GIGYF2: variants seen among roughly 807,000 people sequenced by gnomAD.
GIGYF2 encodes the protein GRB10 interacting GYF protein 2.
A neutral mutation model predicts 208.1 loss-of-function variants in GIGYF2; 25 were observed. The ratio of observed to expected loss-of-function variants is 0.12; its 90% CI spans 0.09 to 0.17. The LOEUF is 0.17. GIGYF2 is among the 10% of genes least tolerant of loss of function. GIGYF2 has a pLI of 1.00. For synonymous variants in GIGYF2, 534 were observed against 543.8 expected (o/e 0.98, Z 0.25); for missense variants, 1,302 against 1,579.4 (o/e 0.82, Z 2.98).
At chr2:232,855,797 C>T (rs984022847) in intron 28 of GIGYF2, among the ~76,000 whole-genome samples, 1 of 152,110 alleles carries the variant, frequency 6.6e-6, no homozygotes, top group South Asian at 2.1e-4. Flanking sequence ...AACCCCCCTG[C>T]CCACCCCCAT....
rs145090734 is a variant in GIGYF2 at position 232,858,973 on chromosome 2, T to C, written c.*2113T>C. On this transcript the variant is annotated 3_prime_UTR_variant, in exon 29 of 29. Transcript: ENST00000373563. ...ACTCTGTGTGTGTATTCAGGAAAAA[T>C]GAAAATAAATTTTTAAAAATTGGGA... The C allele has an allele frequency of 1.2e-4, 19 of 153,476 alleles. No individual in the cohort carries two copies. The highest frequency in any genetic ancestry group is 4.6e-4 in the African/African-American group (19 of 41,490). The allele number at this position is 153,476 out of a possible 1,614,324, so 9.5% of individuals were successfully genotyped here. A position where few individuals can be genotyped will look rare whatever the true frequency, so the allele number is the denominator to read the frequency against.
In GIGYF2 at chr2:232,755,969, C is replaced by G. The variant is rs140734645; in HGVS notation, c.268-254C>G. Among the ~76,000 whole-genome samples, 1,700 of 152,248 alleles carry G rather than the reference C, an allele frequency of 0.011. 9 individuals are homozygous for G. The highest frequency in any genetic ancestry group is 0.027 in the Middle Eastern group (8 of 294). ...TTTGTTTGCTTATTTCCTCACCAAACCTAGCATAGTGTAAGACATTGGTTG... is the reference window on the plus strand; with the variant it reads ...TTTGTTTGCTTATTTCCTCACCAAAGCTAGCATAGTGTAAGACATTGGTTG... On this transcript the variant is annotated intron_variant, in intron 5 of 28. Transcript: ENST00000373563.
intron 12 of GIGYF2, among the ~76,000 whole-genome samples, chr2:232,791,760 TAGAC>T (rs1412824546): frequency 1.3e-5 from 2 of 152,216 alleles, no homozygotes. Flanking sequence ...ATTCCCGTAT[TAGAC>T]AGTTACCTTC....
At chr2:232,720,629 C>G (rs1304171203) in intron 2 of GIGYF2, among the ~76,000 whole-genome samples, 5 of 150,196 alleles carry the variant, frequency 3.3e-5, no homozygotes, top group Admixed American at 6.7e-5. Context: ...GAGGCTCACT[C>G]TGTTGTCCAG....
chr2:232,730,967 G>GTAAAT (rs1248015195), intron 2 of GIGYF2, among the ~76,000 whole-genome samples: 1 of 147,570 alleles, frequency 6.8e-6, no homozygotes, highest in Non-Finnish European at 1.5e-5. Flanking sequence ...AAACCATGTT[G>GTAAAT]TAAATGGTAG....
At chr2:232,723,804 C>G (rs1341402043) in intron 2 of GIGYF2, among the ~76,000 whole-genome samples, 1 of 139,162 alleles carries the variant, frequency 7.2e-6, no homozygotes, top group Non-Finnish European at 1.5e-5. Context: ...ACGATCTCGG[C>G]TCACCGCAAC....
chr2:232,711,869 GT>G (rs1011109806), intron 2 of GIGYF2, among the ~76,000 whole-genome samples: 61 of 143,164 alleles, frequency 4.3e-4, no homozygotes, highest in African/African-American at 9.7e-4. Flanking sequence ...TCACCAGGTA[GT>G]TTTTTTTTTT....
chr2:232,813,498 C>T (rs1283104022), intron 18 of GIGYF2, among the ~76,000 whole-genome samples: 3 of 152,106 alleles, frequency 2.0e-5, no homozygotes, highest in African/African-American at 4.8e-5. Context: ...TGAGCCACTG[C>T]GCCCAGCCGA....
At chr2:232,716,266 T>G (rs2106264666) in intron 2 of GIGYF2, among the ~76,000 whole-genome samples, 1 of 152,146 alleles carries the variant, frequency 6.6e-6, no homozygotes, top group Non-Finnish European at 1.5e-5. Context: ...AAGATCTACA[T>G]TCTTTTAGCC....
At position 232,791,403 on chromosome 2, in the gene GIGYF2, G is replaced by T; in HGVS notation, c.1239G>T (p.Arg413=). The change falls in exon 12 of 29, where the codon CGG becomes CGT. Residue 413 remains arginine, a synonymous_variant. Coordinates refer to ENST00000373563, the MANE Select transcript of GIGYF2 (RefSeq NM_001103146.3). ...EQTEKAEEET[R]MENSLPAKVP... ...CGGAAAAAGCTGAAGAGGAGACTCGGATGGAAAATAGTCTACCAGCCAAAG... is the reference window on the plus strand; with the variant it reads ...CGGAAAAAGCTGAAGAGGAGACTCGTATGGAAAATAGTCTACCAGCCAAAG... 1.2e-6 allele frequency: 2 copies of T among 1,614,028 alleles called. No homozygotes were observed. Among genetic ancestry groups the T allele is most frequent in the Non-Finnish European group, 1.7e-6 (2 of 1,179,978 alleles).
chr2:232,806,479 G>A lies in GIGYF2; in HGVS notation c.1640-12G>A. 1 of 1,572,682 alleles carries A rather than the reference G, an allele frequency of 6.4e-7. No homozygotes were observed. The highest frequency in any genetic ancestry group is 8.8e-7 in the Non-Finnish European group (1 of 1,142,346). On this transcript the variant is annotated splice_polypyrimidine_tract_variant and intron_variant, in intron 14 of 28. Transcript: ENST00000373563. The surrounding 1 kb of genome is among the most constrained non-coding windows in gnomAD (Gnocchi z 4.0). The stretch of plus-strand genomic sequence containing the variant: ...TTCTTATTGTCTTTCTGTTTAATTG[G>A]TGCTGTTATAGGTCCCTTCAATAAT...
intron 3 of GIGYF2, among the ~76,000 whole-genome samples, chr2:232,744,073 T>C (rs1357004934): frequency 6.6e-6 from 1 of 152,176 alleles, no homozygotes; most frequent in Non-Finnish European, 1.5e-5. Context: ...CTCAAACTCC[T>C]GGTCTCAAGT....
intron 8 of GIGYF2, among the ~76,000 whole-genome samples, chr2:232,781,771 A>G (rs191794266): frequency 4.6e-5 from 7 of 152,284 alleles, no homozygotes; most frequent in Admixed American, 3.3e-4. Context: ...GCTGCTTCCA[A>G]TGGGTCAAAT....
At chr2:232,826,901 G>T (rs567665299) in intron 21 of GIGYF2, among the ~76,000 whole-genome samples, 1 of 152,284 alleles carries the variant, frequency 6.6e-6, no homozygotes, top group South Asian at 2.1e-4. Context: ...CCACCACCCT[G>T]ATCAGCAGCC....
chr2:232,844,450 C>T lies in GIGYF2; in HGVS notation c.3181C>T (p.Leu1061=), dbSNP rs1701932064. ...TGPPNQWASD[L]VSSIWSNADT... is the part of the protein sequence containing the mutation. ...TCCTCCTAACCAGTGGGCATCTGAC[C>T]TAGTCAGTAGTATTTGGAGTAATGC... Residue 1061 remains leucine, a synonymous_variant, in exon 25 of 29, where the codon CTA becomes TTA. Coordinates refer to ENST00000373563, the MANE Select transcript of GIGYF2 (RefSeq NM_001103146.3). The T allele has an allele frequency of 1.2e-6, 2 of 1,611,618 alleles. No homozygotes were observed. The highest frequency in any genetic ancestry group is 8.5e-7 in the Non-Finnish European group (1 of 1,177,844).
At chr2:232,705,126 T>G (rs1312149929) in intron 2 of GIGYF2, among the ~76,000 whole-genome samples, 1 of 152,104 alleles carries the variant, frequency 6.6e-6, no homozygotes, top group East Asian at 1.9e-4. Flanking sequence ...CCCAAAGTGC[T>G]GGGATTACAG....
chr2:232,810,305 C>T (rs1700697025), intron 16 of GIGYF2: 1 of 158,340 alleles, frequency 6.3e-6, no homozygotes, highest in Non-Finnish European at 1.4e-5. Flanking sequence ...TTTTAAATAC[C>T]AGAAGTTTAG....
chr2:232,796,123 C>A lies in GIGYF2; in HGVS notation c.1541C>A (p.Ser514Ter). The change falls in exon 14 of 29, where the codon TCA becomes TAA. Residue 514 changes from serine (S) to a stop codon, truncating the protein, a stop_gained. Transcript: ENST00000373563. LOFTEE classifies it high-confidence loss of function. ...DSALDDERLA[S>*]KLQEHRAKGV... Reference sequence around the variant, plus strand: ...GCACTAGATGATGAAAGATTGGCATCAAAACTGCAAGAGCACAGAGCTAAA... The same window carrying A: ...GCACTAGATGATGAAAGATTGGCATAAAAACTGCAAGAGCACAGAGCTAAA... 6.2e-7 allele frequency: 1 copy of A among 1,604,186 alleles called. No individual in the cohort carries two copies. The highest frequency in any genetic ancestry group is 8.5e-7 in the Non-Finnish European group (1 of 1,170,996).
At chr2:232,856,534 A>G (rs1343671380) in intron 28 of GIGYF2, among the ~76,000 whole-genome samples, 1 of 152,108 alleles carries the variant, frequency 6.6e-6, no homozygotes, top group African/African-American at 2.4e-5. Context: ...TACTAAAAAT[A>G]CAAAAAAAAT....
Sources: gnomAD v4.1 joint callset for allele counts (sites outside exome capture counted in the v4.1 genomes callset) on GRCh38, gnomAD v4.1.1 for gene constraint, Gnocchi (gnomAD v3.1) non-coding constraint, MANE v1.5 for transcripts, NCBI Gene and HGNC (gene_info 2026-07-23, HGNC 2026-07-21) for gene names.